GJB7: variants seen among roughly 807,000 people sequenced by gnomAD.
The protein encoded by GJB7 is gap junction beta-7 protein.
For missense variants in GJB7, 253 were observed against 256.8 expected, an observed-to-expected ratio of 0.99 and a Z score of 0.10; for synonymous variants, 87 against 95.2, an observed-to-expected ratio of 0.91 and a Z score of 0.50.
rs1776643912 is a variant in GJB7 at position 87,320,679 on chromosome 6, A to G, written c.-28+2187T>C. 2.6e-5 allele frequency among the ~76,000 whole-genome samples: 4 copies of G among 152,226 alleles called. No homozygotes were observed. The South Asian group carries it at 8.3e-4, about 31-fold the overall frequency. ...TGTAAGGTATACATTGGTTTGGCCC[A>G]TCTCAAAGCAGCGTGGGGGTGGGCT... On this transcript the variant is annotated intron_variant, in intron 2 of 2. Transcript: ENST00000525899.
intron 2 of GJB7, among the ~76,000 whole-genome samples, chr6:87,306,221 AC>A (rs1776425148): frequency 6.6e-6 from 1 of 152,204 alleles, no homozygotes; most frequent in African/African-American, 2.4e-5. Flanking sequence ...AAAAGAAACT[AC>A]CGTCAGAGTG....
intron 2 of GJB7, among the ~76,000 whole-genome samples, chr6:87,306,999 G>C (rs1284250455): frequency 6.6e-6 from 1 of 151,974 alleles, no homozygotes; most frequent in African/African-American, 2.4e-5. Flanking sequence ...ACAGGAAGGG[G>C]AACATCACAC....
chr6:87,327,688 T>G (rs1776863205), intron 1 of GJB7, among the ~76,000 whole-genome samples: 1 of 148,172 alleles, frequency 6.7e-6, no homozygotes, highest in African/African-American at 2.5e-5. Context: ...GCCCTTAACA[T>G]TTTTTCCTTC....
intron 2 of GJB7, chr6:87,299,355 G>A (rs377208887): frequency 3.6e-6 from 1 of 274,984 alleles, no homozygotes; most frequent in Non-Finnish European, 7.0e-6. Context: ...TCACAGTAAA[G>A]GATGGAAAAA....
At chr6:87,305,264 T>C (rs1044827347) in intron 2 of GJB7, among the ~76,000 whole-genome samples, 3 of 152,176 alleles carry the variant, frequency 2.0e-5, no homozygotes, top group Admixed American at 2.0e-4. Context: ...CATGATTGTA[T>C]ATCTAGAAAA....
intron 2 of GJB7, among the ~76,000 whole-genome samples, chr6:87,304,634 C>T (rs1776392003): frequency 6.6e-6 from 1 of 152,112 alleles, no homozygotes; most frequent in Admixed American, 6.5e-5. Flanking sequence ...GAAACTATTC[C>T]AATCAATAGA....
At chr6:87,313,842 C>T (rs920586006) in intron 2 of GJB7, among the ~76,000 whole-genome samples, 1 of 152,180 alleles carries the variant, frequency 6.6e-6, no homozygotes, top group Non-Finnish European at 1.5e-5. Context: ...CAGGCCCACT[C>T]CAGACTACAG....
intron 1 of GJB7, among the ~76,000 whole-genome samples, chr6:87,323,603 C>A (rs1422728695): frequency 1.3e-5 from 2 of 152,002 alleles, no homozygotes; most frequent in South Asian, 2.1e-4. Context: ...AGGACATGAA[C>A]TCATCATTTT....
chr6:87,312,113 C>CCTGA (rs1336521699), intron 2 of GJB7, among the ~76,000 whole-genome samples: 1 of 151,930 alleles, frequency 6.6e-6, no homozygotes, highest in Non-Finnish European at 1.5e-5. Flanking sequence ...ATGTTGGTTA[C>CCTGA]CTGAGTATGT....
At chr6:87,302,696 C>A (rs564357463) in intron 2 of GJB7, among the ~76,000 whole-genome samples, 1 of 152,024 alleles carries the variant, frequency 6.6e-6, no homozygotes, top group Non-Finnish European at 1.5e-5. Context: ...AGATACTCCT[C>A]GAGAAGAGCA....
At chr6:87,300,288 GA>G in intron 2 of GJB7, 1 of 178,050 alleles carries the variant, frequency 5.6e-6, no homozygotes. Flanking sequence ...GAATATGGTG[GA>G]AAAAGGAAAA....
At chr6:87,316,760 C>G (rs1021287852) in intron 2 of GJB7, among the ~76,000 whole-genome samples, 6 of 152,170 alleles carry the variant, frequency 3.9e-5, no homozygotes. Flanking sequence ...TGCATCTGAG[C>G]CTTCCTGGAC....
intron 2 of GJB7, among the ~76,000 whole-genome samples, chr6:87,314,401 A>G (rs1776553681): frequency 6.6e-6 from 1 of 152,204 alleles, no homozygotes; most frequent in African/African-American, 2.4e-5. Context: ...AAAAGTAAGA[A>G]GAAGGGTGAG....
In GJB7 at chr6:87,284,355, G is replaced by C. The variant is rs983377410; in HGVS notation, c.558C>G (p.Thr186=). 6.2e-7 allele frequency: 1 copy of C among 1,614,070 alleles called. No individual in the cohort carries two copies. Among genetic ancestry groups the C allele is most frequent in the African/African-American group, 1.3e-5 (1 of 75,016 alleles). Residue 186 remains threonine, a synonymous_variant, in exon 3 of 3, where the codon ACC becomes ACG. Transcript: ENST00000525899. ...AATTCAACACAATACACAAGCATGAGGTGATGACCAAGAAGAGGATGAAGA... is the reference window on the plus strand; with the variant it reads ...AATTCAACACAATACACAAGCATGACGTGATGACCAAGAAGAGGATGAAGA... ...KTIFILFLVI[T]SCLCIVLNFI...
At chr6:87,309,611 C>T (rs965014586) in intron 2 of GJB7, among the ~76,000 whole-genome samples, 5 of 152,148 alleles carry the variant, frequency 3.3e-5, no homozygotes, top group African/African-American at 9.7e-5. Flanking sequence ...GCTGACAAAA[C>T]CAGTTTCTCA....
chr6:87,312,264 A>C (rs1355148404), intron 2 of GJB7, among the ~76,000 whole-genome samples: 1 of 150,986 alleles, frequency 6.6e-6, no homozygotes, highest in Non-Finnish European at 1.5e-5. Context: ...CTGTAATCCC[A>C]GCACTTTGGG....
chr6:87,323,983 G>A (rs1455020133), intron 1 of GJB7, among the ~76,000 whole-genome samples: 1 of 150,426 alleles, frequency 6.6e-6, no homozygotes, highest in African/African-American at 2.5e-5. Context: ...CTGTGAGATG[G>A]TATCTCATTG....
chr6:87,302,733 C>T (rs2127903571), intron 2 of GJB7, among the ~76,000 whole-genome samples: 1 of 152,234 alleles, frequency 6.6e-6, no homozygotes, highest in East Asian at 1.9e-4. Flanking sequence ...TTGTCAGATT[C>T]ACCAAAGTTG....
At chr6:87,297,679 C>G (rs1776265790) in intron 2 of GJB7, among the ~76,000 whole-genome samples, 2 of 152,048 alleles carry the variant, frequency 1.3e-5, no homozygotes, top group South Asian at 4.1e-4. Context: ...AAAATAAAAG[C>G]TCCTTAAGGA....
Sources: gnomAD v4.1 joint callset for allele counts (sites outside exome capture counted in the v4.1 genomes callset) on GRCh38, gnomAD v4.1.1 for gene constraint, MANE v1.5 for transcripts, NCBI Gene and HGNC (gene_info 2026-07-23, HGNC 2026-07-21) for gene names.